Variants in ASTN1 observed in about 807,000 individuals in gnomAD.
The protein encoded by ASTN1 is astrotactin 1.
ASTN1 carries 41 observed loss-of-function variants against 140.7 expected under a neutral mutation model. The observed-to-expected ratio is 0.29, with a 90% CI of 0.23 to 0.38. The LOEUF is 0.38. Among genes scored for constraint, ASTN1 ranks in the 10% least tolerant of loss-of-function variants. The probability of loss-of-function intolerance (pLI) is 1.00; values close to 1 mark genes in which losing one functional copy is unlikely to be tolerated. For missense variants in ASTN1, 1,479 were observed against 1,678.8 expected, an observed-to-expected ratio of 0.88 and a Z score of 2.08; for synonymous variants, 640 against 652.2, an observed-to-expected ratio of 0.98 and a Z score of 0.29.
intron 11 of ASTN1, among the ~76,000 whole-genome samples, chr1:176,955,591 T>A (rs549520223): frequency 6.6e-6 from 1 of 152,308 alleles, no homozygotes; most frequent in African/African-American, 2.4e-5. Flanking sequence ...TGGCTCCAAT[T>A]CTAAAATGCA....
rs182752357 is a variant in ASTN1, at chr1:176,889,452, T to G, written c.2941-1248A>C. On this transcript the variant is annotated intron_variant, in intron 17 of 22. Coordinates refer to ENST00000361833, the MANE Select transcript of ASTN1 (RefSeq NM_004319.3). Reference sequence around the variant, plus strand: ...TGAAACCTGGCTATCCTTGAAAATTTTAGACCAAAGAATTCAAAAGAAAAA... The same window carrying G: ...TGAAACCTGGCTATCCTTGAAAATTGTAGACCAAAGAATTCAAAAGAAAAA... Among the ~76,000 whole-genome samples, 6 of 152,204 alleles carry G rather than the reference T, an allele frequency of 3.9e-5. No individual in the cohort carries two copies. In the East Asian group the frequency reaches 1.2e-3, roughly 29 times the overall value.
At chr1:177,146,331 A>G (rs1012439769) in intron 1 of ASTN1, among the ~76,000 whole-genome samples, 1 of 152,228 alleles carries the variant, frequency 6.6e-6, no homozygotes, top group Non-Finnish European at 1.5e-5. Context: ...GCCACCTCAG[A>G]TAATTATAGA....
At chr1:176,997,907 A>C (rs1022472892) in intron 8 of ASTN1, among the ~76,000 whole-genome samples, 1 of 152,122 alleles carries the variant, frequency 6.6e-6, no homozygotes, top group Non-Finnish European at 1.5e-5. Context: ...AGGGTATTAA[A>C]GGGAAGGAAC....
intron 8 of ASTN1, among the ~76,000 whole-genome samples, chr1:177,009,478 G>A (rs1213515593): frequency 2.0e-5 from 3 of 152,204 alleles, no homozygotes; most frequent in Non-Finnish European, 4.4e-5. Flanking sequence ...CTTCAAGTGG[G>A]AACTGGCTCC....
chr1:176,948,894 A>G (rs2103115456), intron 12 of ASTN1, among the ~76,000 whole-genome samples: 1 of 152,340 alleles, frequency 6.6e-6, no homozygotes, highest in African/African-American at 2.4e-5. Context: ...TGCTGGTTTA[A>G]TTGGAGAATG....
At chr1:177,083,289 G>A (rs964770396) in intron 1 of ASTN1, among the ~76,000 whole-genome samples, 3 of 152,064 alleles carry the variant, frequency 2.0e-5, no homozygotes, top group African/African-American at 2.4e-5. Context: ...CCCACTGCTC[G>A]TCACACACAA....
chr1:176,991,054 C>A (rs888466664), intron 8 of ASTN1, among the ~76,000 whole-genome samples: 6 of 152,176 alleles, frequency 3.9e-5, no homozygotes, highest in South Asian at 4.1e-4. Flanking sequence ...TGCTCTTCCC[C>A]AAAGTCCCTC....
At chr1:177,136,079 C>T (rs1382205474) in intron 1 of ASTN1, among the ~76,000 whole-genome samples, 1 of 152,142 alleles carries the variant, frequency 6.6e-6, no homozygotes, top group Non-Finnish European at 1.5e-5. Context: ...TGACACTGTG[C>T]TAAAATTTGC....
Position 176,861,294 on chromosome 1 carries a change from G to A in ASTN1, c.*2990C>T, listed in dbSNP as rs1667951124. ...AAATAATGAACGGACCAAACTCCAT[G>A]GAAAACGATTGCACACTCAATTAAA... On this transcript the variant is annotated 3_prime_UTR_variant, in exon 23 of 23. Transcript: ENST00000361833. 3 of 985,686 alleles carry A rather than the reference G, an allele frequency of 3.0e-6. No homozygotes were observed. The highest frequency in any genetic ancestry group is 3.6e-6 in the Non-Finnish European group (3 of 829,840). 61.1% of individuals were successfully genotyped at this position (985,686 alleles called of 1,614,324 possible).
chr1:177,132,919 GA>G (rs1479768989), intron 1 of ASTN1, among the ~76,000 whole-genome samples: 1 of 152,202 alleles, frequency 6.6e-6, no homozygotes, highest in Non-Finnish European at 1.5e-5. Context: ...ACATGAGGGA[GA>G]TGTTCCAATA....
chr1:176,910,462 TG>T (rs1013824660), intron 16 of ASTN1, among the ~76,000 whole-genome samples: 16 of 152,242 alleles, frequency 1.1e-4, no homozygotes, highest in African/African-American at 3.9e-4. Flanking sequence ...GATACGATGC[TG>T]GTCTTCCAAA....
At chr1:177,062,535 T>C (rs1009629562) in intron 1 of ASTN1, among the ~76,000 whole-genome samples, 1 of 151,180 alleles carries the variant, frequency 6.6e-6, no homozygotes, top group African/African-American at 2.4e-5. Context: ...TTGAGCCATA[T>C]GGCCTGGCCT....
At position 176,884,367 on chromosome 1, in the gene ASTN1, G is replaced by A; in HGVS notation, c.3198C>T (p.Asp1066=). 1 of 1,614,188 alleles carries A rather than the reference G, an allele frequency of 6.2e-7. No individual in the cohort carries two copies. ...DYLLRQEKVT[D]RMDHSKVETE... Reference sequence around the variant, plus strand: ...TCTCCACTTTGGAGTGGTCCATCCTGTCAGTGACTTTCTCTTGACGGAGGA... The same window carrying A: ...TCTCCACTTTGGAGTGGTCCATCCTATCAGTGACTTTCTCTTGACGGAGGA... The change falls in exon 19 of 23, where the codon GAC becomes GAT. Residue 1066 remains aspartate, a synonymous_variant. Transcript: ENST00000361833.
chr1:177,063,328 C>G (rs1482203661), intron 1 of ASTN1, among the ~76,000 whole-genome samples: 1 of 152,156 alleles, frequency 6.6e-6, no homozygotes, highest in East Asian at 1.9e-4. Flanking sequence ...CCCTCCCTAA[C>G]CACCTAGAGG....
chr1:176,918,373 T>C (rs1670580605), intron 16 of ASTN1, among the ~76,000 whole-genome samples: 1 of 152,192 alleles, frequency 6.6e-6, no homozygotes, highest in Admixed American at 6.5e-5. Context: ...GCAAATCCAA[T>C]GGCCTCCTTC....
At chr1:176,931,398 G>A (rs928270021) in intron 16 of ASTN1, among the ~76,000 whole-genome samples, 6 of 152,068 alleles carry the variant, frequency 3.9e-5, no homozygotes, top group Admixed American at 2.0e-4. Flanking sequence ...CCTAGGAGGC[G>A]GAGGTTGCGG....
intron 2 of ASTN1, among the ~76,000 whole-genome samples, chr1:177,045,749 T>C (rs1677184333): frequency 6.6e-6 from 1 of 152,190 alleles, no homozygotes; most frequent in Non-Finnish European, 1.5e-5. Flanking sequence ...ATTTTTTTTC[T>C]AGTAAAATAA....
intron 13 of ASTN1, among the ~76,000 whole-genome samples, chr1:176,944,887 G>A (rs1360209577): frequency 6.6e-6 from 1 of 152,162 alleles, no homozygotes; most frequent in African/African-American, 2.4e-5. Context: ...CAGGCTAAAA[G>A]GGGAAATGTT....
rs1450192469 is a variant in ASTN1, at chr1:177,111,253, A to G, written c.284-49988T>C. On this transcript the variant is annotated intron_variant, in intron 1 of 22. Coordinates refer to ENST00000361833, the MANE Select transcript of ASTN1 (RefSeq NM_004319.3). ...AAGAGAAGTTAGAATTTTTTTTTAC[A>G]TCATTAAGTAATGGAGCTAATTCTA... Among the ~76,000 whole-genome samples the G allele has an allele frequency of 5.9e-5, 9 of 152,318 alleles. No individual in the cohort carries two copies. The South Asian group carries it at 6.2e-4, about 11-fold the overall frequency.
Sources: gnomAD v4.1 joint callset for allele counts (sites outside exome capture counted in the v4.1 genomes callset) on GRCh38, gnomAD v4.1.1 for gene constraint, MANE v1.5 for transcripts, NCBI Gene and HGNC (gene_info 2026-07-23, HGNC 2026-07-21) for gene names.